The following FOSL2 variants were observed in gnomAD, a reference collection of about 807,000 sequenced individuals.
FOSL2 encodes the protein fos-related antigen 2.
A neutral mutation model predicts 27.7 loss-of-function variants in FOSL2; 3 were observed. The observed-to-expected ratio is 0.11, with a 90% CI of 0.05 to 0.28. The LOEUF (loss-of-function observed/expected upper bound fraction) is 0.28, where lower values mean the gene tolerates loss of function less well. FOSL2 is among the 10% of genes least tolerant of loss of function. The probability of loss-of-function intolerance (pLI) is 1.00; values close to 1 mark genes in which losing one functional copy is unlikely to be tolerated. For missense variants in FOSL2, 333 were observed against 445.1 expected (o/e 0.75, Z 2.27); for synonymous variants, 179 against 190.1 (o/e 0.94, Z 0.48).
rs933037569 is a variant in FOSL2, at chr2:28,392,940, A to C, written c.-781A>C. 1.0e-5 allele frequency: 7 copies of C among 689,108 alleles called. No individual in the cohort carries two copies. The highest frequency in any genetic ancestry group is 2.0e-5 in the Admixed American group (1 of 48,866). The allele number at this position is 689,108 out of a possible 1,614,324, so 42.7% of individuals were successfully genotyped here. A position where few individuals can be genotyped will look rare whatever the true frequency, so the allele number is the denominator to read the frequency against. On this transcript the variant is annotated 5_prime_UTR_variant, in exon 1 of 4. Transcript: ENST00000264716. The stretch of plus-strand genomic sequence containing the variant: ...ACGAGCGGCGCTCGGCGGGGACAGA[A>C]AGAGGGAGAGAGAGAGAGAGAGAGA...
intron 3 of FOSL2, among the ~76,000 whole-genome samples, chr2:28,409,354 G>A (rs959874852): frequency 6.6e-6 from 1 of 152,192 alleles, no homozygotes; most frequent in African/African-American, 2.4e-5. Flanking sequence ...AGGTCACGTG[G>A]CAGCAGGGTT....
At chr2:28,406,305 A>G (rs1245074189) in intron 2 of FOSL2, among the ~76,000 whole-genome samples, 1 of 151,588 alleles carries the variant, frequency 6.6e-6, no homozygotes, top group Non-Finnish European at 1.5e-5. Context: ...CAGGTGATCC[A>G]CCCGCCTCAG....
In FOSL2 at chr2:28,404,003, TG is replaced by T; in HGVS notation, c.103-103del. ...CTGACCTTGCCCTTCGAACACTGACTGTGCTCTGTGCTGGTTTTTGCCTCAG... is the reference window on the plus strand; with the variant it reads ...CTGACCTTGCCCTTCGAACACTGACTTGCTCTGTGCTGGTTTTTGCCTCAG... On this transcript the variant is annotated intron_variant, in intron 1 of 3. Transcript: ENST00000264716. This position sits in a 1 kb window ranked among gnomAD's most constrained non-coding sequence, Gnocchi z 4.7. 2 of 1,380,522 alleles carry T rather than the reference TG, an allele frequency of 1.4e-6. No individual in the cohort carries two copies. The highest frequency in any genetic ancestry group is 2.0e-6 in the Non-Finnish European group (2 of 994,472). The allele number at this position is 1,380,522 out of a possible 1,614,324, so 85.5% of individuals were successfully genotyped here.
Position 28,413,027 on chromosome 2 carries a change from G to A in FOSL2, c.*579G>A, listed in dbSNP as rs1204830563. 1 of 160,472 alleles carries A rather than the reference G, an allele frequency of 6.2e-6. No individual in the cohort carries two copies. The highest frequency in any genetic ancestry group is 1.4e-5 in the Non-Finnish European group (1 of 74,062). The allele number at this position is 160,472 out of a possible 1,614,324, so 9.9% of individuals were successfully genotyped here. ...GCTGACTTGTCCAGAAGGGGACAAAGTGCAATACAGAGCCTTCCCTACCCT... is the reference window on the plus strand; with the variant it reads ...GCTGACTTGTCCAGAAGGGGACAAAATGCAATACAGAGCCTTCCCTACCCT... On this transcript the variant is annotated 3_prime_UTR_variant, in exon 4 of 4. Coordinates refer to ENST00000264716, the MANE Select transcript of FOSL2 (RefSeq NM_005253.4).
intron 1 of FOSL2, among the ~76,000 whole-genome samples, chr2:28,398,730 T>G (rs1342653690): frequency 6.6e-6 from 1 of 152,260 alleles, no homozygotes; most frequent in Admixed American, 6.5e-5. Context: ...ACAGCATTTA[T>G]AAACTGTAAC....
Position 28,404,434 on chromosome 2 carries a change from G to C in FOSL2, c.354+76G>C, listed in dbSNP as rs776433962. 5.7e-5 allele frequency: 87 copies of C among 1,514,678 alleles called. 1 individual carries two copies. In the Middle Eastern group the frequency reaches 1.1e-3, roughly 19 times the overall value. 93.8% of individuals were successfully genotyped at this position (1,514,678 alleles called of 1,614,324 possible). ...CAGAAACACAGAACGGGTTTCTGCA[G>C]ACTGGGAGGGTTAATGTTCTGAGAG... On this transcript the variant is annotated intron_variant, in intron 2 of 3. Coordinates refer to ENST00000264716, the MANE Select transcript of FOSL2 (RefSeq NM_005253.4). This position sits in a 1 kb window ranked among gnomAD's most constrained non-coding sequence, Gnocchi z 4.7.
chr2:28,399,292 G>A (rs759912681), intron 1 of FOSL2, among the ~76,000 whole-genome samples: 4 of 152,110 alleles, frequency 2.6e-5, no homozygotes, highest in Non-Finnish European at 4.4e-5. Context: ...ATAAGCCCTC[G>A]GCCCCATCCG....
rs12624279 is a variant in FOSL2 at position 28,411,923 on chromosome 2, G to T, written c.463-7G>T. On this transcript the variant is annotated splice_region_variant and splice_polypyrimidine_tract_variant and intron_variant, in intron 3 of 3. Coordinates refer to ENST00000264716, the MANE Select transcript of FOSL2 (RefSeq NM_005253.4). ...CTGTCCCTCACATCCCTCTCTTTCC[G>T]TGGCAGGAGACAGAGGAGCTGGAGG... 6.2e-7 allele frequency: 1 copy of T among 1,613,332 alleles called. No individual in the cohort carries two copies. Among genetic ancestry groups the T allele is most frequent in the African/African-American group, 1.3e-5 (1 of 74,868 alleles).
In FOSL2 at chr2:28,409,065, C is replaced by T. The variant is rs886798178; in HGVS notation, c.462+199C>T. On this transcript the variant is annotated intron_variant, in intron 3 of 3. Transcript: ENST00000264716. ...AAAAGAGAGAGAGAGAGGGAGGTGG[C>T]GTTTAGCACCAGCCAGGGCCCAGAG... is the stretch of plus-strand genomic sequence containing the variant. Among the ~76,000 whole-genome samples, 4 of 152,202 alleles carry T rather than the reference C, an allele frequency of 2.6e-5. No individual in the cohort carries two copies. In the East Asian group the frequency reaches 5.8e-4, roughly 22 times the overall value.
chr2:28,415,723 G>A lies in FOSL2; in HGVS notation c.*3275G>A, dbSNP rs1292859845. 1 of 152,200 alleles carries A rather than the reference G, an allele frequency of 6.6e-6. No individual in the cohort carries two copies. Among genetic ancestry groups the A allele is most frequent in the African/African-American group, 2.4e-5 (1 of 41,434 alleles). The allele number at this position is 152,200 out of a possible 1,614,324, so 9.4% of individuals were successfully genotyped here. On this transcript the variant is annotated 3_prime_UTR_variant, in exon 4 of 4. Coordinates refer to ENST00000264716, the MANE Select transcript of FOSL2 (RefSeq NM_005253.4). ...CGATGTGCCAGGCACTGTGTTAGGC[G>A]CTTTTATATAGATCCTCGTTAGGAT...
Position 28,416,760 on chromosome 2 carries a change from G to A in FOSL2, c.*4312G>A, listed in dbSNP as rs1356419065. 1 of 151,812 alleles carries A rather than the reference G, an allele frequency of 6.6e-6. No individual in the cohort carries two copies. Among genetic ancestry groups the A allele is most frequent in the Non-Finnish European group, 1.5e-5 (1 of 67,964 alleles). 9.4% of individuals were successfully genotyped at this position (151,812 alleles called of 1,614,324 possible). A position where few individuals can be genotyped will look rare whatever the true frequency, so the allele number is the denominator to read the frequency against. On this transcript the variant is annotated 3_prime_UTR_variant, in exon 4 of 4. Coordinates refer to ENST00000264716, the MANE Select transcript of FOSL2 (RefSeq NM_005253.4). ...CTTTGTGTAAAGAGTAGGGTATCAG[G>A]GTGTCTTTTCTGCCGTGGGAGATGT...
intron 1 of FOSL2, among the ~76,000 whole-genome samples, chr2:28,398,403 C>T (rs752724358): frequency 1.4e-4 from 22 of 152,222 alleles, no homozygotes; most frequent in East Asian, 5.8e-4. Flanking sequence ...GCTCACCTTC[C>T]GGTGGCTTTA....
intron 1 of FOSL2, among the ~76,000 whole-genome samples, chr2:28,402,926 G>C (rs1467941174): frequency 6.6e-6 from 1 of 152,228 alleles, no homozygotes; most frequent in Non-Finnish European, 1.5e-5. Flanking sequence ...CACTCAGAGA[G>C]AGAATTAGTG....
rs60104109 is a variant in FOSL2 at position 28,396,789 on chromosome 2, G to GACACACACACACACACACAC, written c.102+2997_102+3016dup. The stretch of plus-strand genomic sequence containing the variant: ...TTCTTCCTCAACCACCCCTTCCCAA[G>GACACACACACACACACACAC]ACACACACACACACACACACACACA... On this transcript the variant is annotated intron_variant, in intron 1 of 3. Transcript: ENST00000264716. The GACACACACACACACACACAC allele has an allele frequency of 1.0e-3, 114 of 112,276 alleles. 2 individuals carry two copies. The highest frequency in any genetic ancestry group is 8.5e-3 in the East Asian group (29 of 3,426). 7.0% of individuals were successfully genotyped at this position (112,276 alleles called of 1,614,324 possible).
chr2:28,405,263 G>T (rs1471702049), intron 2 of FOSL2, among the ~76,000 whole-genome samples: 1 of 152,118 alleles, frequency 6.6e-6, no homozygotes, highest in Admixed American at 6.5e-5. Context: ...TACAAGCAAG[G>T]GCCAGACATA....
intron 3 of FOSL2, chr2:28,410,384 C>T (rs192381456): frequency 0.018 from 3,650 of 204,858 alleles, 62 homozygotes; most frequent in South Asian, 0.058. Flanking sequence ...TCCCTCCTCC[C>T]AGAGGCCTCA....
chr2:28,398,742 C>A (rs574991588), intron 1 of FOSL2, among the ~76,000 whole-genome samples: 1 of 152,346 alleles, frequency 6.6e-6, no homozygotes, highest in African/African-American at 2.4e-5. Flanking sequence ...AACTGTAACG[C>A]TTTGGGAAAT....
intron 2 of FOSL2, among the ~76,000 whole-genome samples, chr2:28,405,996 G>A (rs1192224755): frequency 6.6e-6 from 1 of 151,682 alleles, no homozygotes; most frequent in Non-Finnish European, 1.5e-5. Flanking sequence ...ACTCTTTGGG[G>A]CTAGCAGGAC....
In FOSL2 at chr2:28,411,304, C is replaced by T. The variant is rs1664193281; in HGVS notation, c.463-626C>T. On this transcript the variant is annotated intron_variant, in intron 3 of 3. Coordinates refer to ENST00000264716, the MANE Select transcript of FOSL2 (RefSeq NM_005253.4). ...GCATGACAAAGTCTCCACTCTCTAGCAGCCTAGGGCTTAGCGTTTATCCAT... is the reference window on the plus strand; with the variant it reads ...GCATGACAAAGTCTCCACTCTCTAGTAGCCTAGGGCTTAGCGTTTATCCAT... Among the ~76,000 whole-genome samples, 2 of 152,218 alleles carry T rather than the reference C, an allele frequency of 1.3e-5. 1 individual carries two copies. The highest frequency in any genetic ancestry group is 4.1e-4 in the South Asian group (2 of 4,836).
Sources: gnomAD v4.1 joint callset for allele counts (sites outside exome capture counted in the v4.1 genomes callset) on GRCh38, gnomAD v4.1.1 for gene constraint, Gnocchi (gnomAD v3.1) non-coding constraint, MANE v1.5 for transcripts, NCBI Gene and HGNC (gene_info 2026-07-23, HGNC 2026-07-21) for gene names.